Variants in MEGF11 observed in about 807,000 individuals in gnomAD.
MEGF11 encodes multiple EGF like domains 11.
In MEGF11, 126 loss-of-function variants were observed where a neutral mutation model predicts 146.6. The observed-to-expected ratio is 0.86, with a 90% confidence interval of 0.74 to 1.00. MEGF11 has a LOEUF of 1.00. Ranked by LOEUF, MEGF11 falls within the 50% of genes least tolerant of loss-of-function variation. The pLI is 0.00. For missense variants in MEGF11, 1,509 were observed against 1,521.2 expected, an observed-to-expected ratio of 0.99 and a Z score of 0.13; for synonymous variants, 532 against 583.4, an observed-to-expected ratio of 0.91 and a Z score of 1.27.
At chr15:66,248,304 A>T (rs1224490843) in intron 1 of MEGF11, among the ~76,000 whole-genome samples, 1 of 152,246 alleles carries the variant, frequency 6.6e-6, no homozygotes, top group African/African-American at 2.4e-5. Context: ...ACCTCTTGTT[A>T]TGGGAGATAC....
intron 10 of MEGF11, among the ~76,000 whole-genome samples, chr15:65,941,813 G>A (rs1253668494): frequency 6.6e-6 from 1 of 152,236 alleles, no homozygotes; most frequent in Non-Finnish European, 1.5e-5. Flanking sequence ...GCCCCAGGAG[G>A]GAGTGGGGAG....
In MEGF11 at chr15:66,194,670, G is replaced by T. The variant is rs186083199; in HGVS notation, c.-9+58935C>A. Reference sequence around the variant, plus strand: ...TGGACTTTGGGGACTCAGGGAAGAAGGGGGAGGGGGAGGGGGAGGGATAAA... The same window carrying T: ...TGGACTTTGGGGACTCAGGGAAGAATGGGGAGGGGGAGGGGGAGGGATAAA... On this transcript the variant is annotated intron_variant, in intron 1 of 25. Transcript: ENST00000395614. Among the ~76,000 whole-genome samples the T allele has an allele frequency of 4.0e-5, 6 of 151,488 alleles. No individual in the cohort carries two copies. The East Asian group carries it at 9.7e-4, about 25-fold the overall frequency.
rs2084549697 is a variant in MEGF11, at chr15:66,053,714, A to ATTTTTTTTTTTTTTTTTTTTTT, written c.394+40687_394+40688insAAAAAAAAAAAAAAAAAAAAAA. ...ACTCAGCTCCCCCTCCCCTGGCACC[A>ATTTTTTTTTTTTTTTTTTTTTT]ATTTTTTTTTTTTTTTTTTTTTTTT... On this transcript the variant is annotated intron_variant, in intron 5 of 25. Transcript: ENST00000395614. Among the ~76,000 whole-genome samples the ATTTTTTTTTTTTTTTTTTTTTT allele has an allele frequency of 7.1e-4, 30 of 42,268 alleles. 14 individuals carry two copies. Among genetic ancestry groups the ATTTTTTTTTTTTTTTTTTTTTT allele is most frequent in the Admixed American group, 8.5e-4 (2 of 2,340 alleles). 27.7% of individuals were successfully genotyped at this position (42,268 alleles called of 152,430 possible). A position where few individuals can be genotyped will look rare whatever the true frequency, so the allele number is the denominator to read the frequency against.
intron 15 of MEGF11, chr15:65,922,134 A>C (rs2079190320): frequency 1.7e-6 from 1 of 603,122 alleles, no homozygotes; most frequent in Non-Finnish European, 2.9e-6. Flanking sequence ...AAATCATTTC[A>C]CTTCTGTGAG....
At chr15:65,930,524 T>A (rs1270264341) in intron 11 of MEGF11, among the ~76,000 whole-genome samples, 1 of 152,144 alleles carries the variant, frequency 6.6e-6, no homozygotes, top group Non-Finnish European at 1.5e-5. Flanking sequence ...CTTTTGTCCC[T>A]CCAACCCTAA....
intron 10 of MEGF11, among the ~76,000 whole-genome samples, chr15:65,952,224 T>C (rs1024368514): frequency 1.3e-5 from 2 of 152,102 alleles, no homozygotes; most frequent in Non-Finnish European, 2.9e-5. Flanking sequence ...AAATGAGTTA[T>C]GTGTGCTACA....
intron 10 of MEGF11, among the ~76,000 whole-genome samples, chr15:65,943,516 C>T (rs984264231): frequency 1.3e-5 from 2 of 152,112 alleles, no homozygotes; most frequent in African/African-American, 4.8e-5. Context: ...GTGATTAACA[C>T]GTGAGCCCTA....
intron 5 of MEGF11, among the ~76,000 whole-genome samples, chr15:66,008,407 GCGCGCACACACACACA>G (rs1471692861): frequency 1.6e-4 from 13 of 82,310 alleles, no homozygotes; most frequent in African/African-American, 4.5e-4. Flanking sequence ...GCACACGCGC[GCGCGCACACACACACA>G]CACACACACA....
intron 1 of MEGF11, among the ~76,000 whole-genome samples, chr15:66,161,997 T>G (rs1459431586): frequency 6.6e-6 from 1 of 152,206 alleles, no homozygotes; most frequent in Non-Finnish European, 1.5e-5. Context: ...TTACCTCTAC[T>G]ACAGAGGAGC....
intron 5 of MEGF11, among the ~76,000 whole-genome samples, chr15:66,076,736 C>T (rs946124894): frequency 2.0e-5 from 3 of 152,210 alleles, no homozygotes; most frequent in Non-Finnish European, 4.4e-5. Context: ...AGGACATGTC[C>T]AACCTGGCCT....
At chr15:66,213,154 C>T (rs1482144314) in intron 1 of MEGF11, among the ~76,000 whole-genome samples, 1 of 152,148 alleles carries the variant, frequency 6.6e-6, no homozygotes, top group East Asian at 1.9e-4. Context: ...TCAAATCTGC[C>T]ACCTCATCCT....
chr15:66,240,012 C>T (rs1355001620), intron 1 of MEGF11, among the ~76,000 whole-genome samples: 3 of 152,212 alleles, frequency 2.0e-5, no homozygotes, highest in Non-Finnish European at 2.9e-5. Context: ...TCTTTTCTCC[C>T]GAAGTGGCGG....
intron 3 of MEGF11, among the ~76,000 whole-genome samples, chr15:66,122,566 G>A (rs1431000308): frequency 6.6e-6 from 1 of 152,174 alleles, no homozygotes; most frequent in Non-Finnish European, 1.5e-5. Context: ...CAGCAACTAG[G>A]AAAAGGGCCC....
chr15:65,962,656 C>T (rs1341537776), intron 9 of MEGF11, among the ~76,000 whole-genome samples: 1 of 152,112 alleles, frequency 6.6e-6, no homozygotes, highest in South Asian at 2.1e-4. Flanking sequence ...GGTAGAACCT[C>T]CTAGAGGGAT....
intron 10 of MEGF11, among the ~76,000 whole-genome samples, chr15:65,949,898 G>C (rs978170989): frequency 2.6e-5 from 4 of 152,210 alleles, no homozygotes; most frequent in Admixed American, 2.0e-4. Context: ...TGGTGGAGCC[G>C]AGAAATCAGC....
At chr15:66,089,909 T>C (rs1542529) in intron 5 of MEGF11, among the ~76,000 whole-genome samples, 146,850 of 152,322 alleles carry the variant, frequency 0.96, 71,016 homozygotes, top group East Asian at 1. Flanking sequence ...TCAGTATAAA[T>C]TGACATTTCA....
intron 5 of MEGF11, among the ~76,000 whole-genome samples, chr15:66,008,844 G>A (rs907783770): frequency 7.0e-6 from 1 of 142,594 alleles, no homozygotes; most frequent in Non-Finnish European, 1.5e-5. Flanking sequence ...AAAAAAAATA[G>A]TTAAAGGGGC....
intron 5 of MEGF11, among the ~76,000 whole-genome samples, chr15:66,017,090 G>A (rs928995457): frequency 2.6e-5 from 4 of 152,210 alleles, no homozygotes; most frequent in African/African-American, 9.6e-5. Context: ...GAGAAGCACA[G>A]CCCGGGTGAG....
intron 7 of MEGF11, among the ~76,000 whole-genome samples, chr15:65,973,213 G>A (rs2141626473): frequency 7.2e-6 from 1 of 138,590 alleles, no homozygotes; most frequent in South Asian, 2.1e-4. Context: ...GGAATCCCAG[G>A]ATAGCAGTGA....
Sources: gnomAD v4.1 joint callset for allele counts (sites outside exome capture counted in the v4.1 genomes callset) on GRCh38, gnomAD v4.1.1 for gene constraint, MANE v1.5 for transcripts, NCBI Gene and HGNC (gene_info 2026-07-23, HGNC 2026-07-21) for gene names.